The following DCAF6 variants were observed in gnomAD, a reference collection of about 807,000 sequenced individuals.
DCAF6 encodes DDB1- and CUL4-associated factor 6.
Under a neutral mutation model 125.1 loss-of-function variants are expected in DCAF6, and 54 were observed. The observed-to-expected ratio is 0.43, with a 90% CI of 0.35 to 0.54. The LOEUF (loss-of-function observed/expected upper bound fraction) is 0.54. Ranked by LOEUF, DCAF6 falls within the 20% of genes least tolerant of loss-of-function variation. The pLI, the probability that DCAF6 is intolerant of heterozygous loss-of-function variation, is 0.01. For synonymous variants in DCAF6, 371 were observed against 390.4 expected (o/e 0.95, Z 0.58); for missense variants, 934 against 1,161.7 (o/e 0.80, Z 2.85).
the DCAF6 span, among the ~76,000 whole-genome samples, chr1:167,912,839 A>G: frequency 6.6e-6 from 1 of 152,212 alleles, no homozygotes; most frequent in South Asian, 2.1e-4. Flanking sequence ...TCATCCAAAC[A>G]GCGCTATGAA....
intron 17 of DCAF6, among the ~76,000 whole-genome samples, chr1:168,062,840 A>G (rs1184137443): frequency 2.0e-5 from 3 of 151,882 alleles, no homozygotes; most frequent in Non-Finnish European, 4.4e-5. Flanking sequence ...CATTAGTTCT[A>G]AATTCGTAAT....
At chr1:167,940,388 G>A (rs115025363) in intron 1 of DCAF6, among the ~76,000 whole-genome samples, 2,832 of 152,166 alleles carry the variant, frequency 0.019, 77 homozygotes, top group African/African-American at 0.065. Context: ...GAGGCGGGGG[G>A]CAGGGTGAGG....
chr1:167,915,983 C>A, the DCAF6 span, among the ~76,000 whole-genome samples: 1 of 152,122 alleles, frequency 6.6e-6, no homozygotes, highest in African/African-American at 2.4e-5. Context: ...AGAAAACTTA[C>A]ATAGTGAAGC....
intron 2 of DCAF6, among the ~76,000 whole-genome samples, chr1:167,965,746 G>T (rs1676307500): frequency 6.6e-6 from 1 of 151,986 alleles, no homozygotes; most frequent in Non-Finnish European, 1.5e-5. Flanking sequence ...CCTGTCGGGA[G>T]GCTGAGGCCT....
intron 12 of DCAF6, among the ~76,000 whole-genome samples, chr1:168,037,300 T>A (rs74122606): frequency 0.059 from 8,951 of 152,136 alleles, 840 homozygotes; most frequent in African/African-American, 0.2. Context: ...ATCCTAAGTA[T>A]ATTTGCTTTT....
upstream of DCAF6, among the ~76,000 whole-genome samples, chr1:167,931,948 A>G (rs961600748): frequency 3.9e-5 from 6 of 152,218 alleles, no homozygotes; most frequent in African/African-American, 1.4e-4. Context: ...TAGACTTTAA[A>G]GTAACTTTTC....
upstream of DCAF6, among the ~76,000 whole-genome samples, chr1:167,932,878 A>G (rs1670950566): frequency 1.3e-5 from 2 of 151,942 alleles, no homozygotes; most frequent in Admixed American, 6.6e-5. Context: ...CTTCAAGATT[A>G]TTTCTTTGAC....
the DCAF6 span, among the ~76,000 whole-genome samples, chr1:167,909,707 T>C: frequency 6.6e-6 from 1 of 152,202 alleles, no homozygotes; most frequent in East Asian, 1.9e-4. Context: ...CTTTCCAAAG[T>C]GATGGTACCA....
chr1:168,048,873 G>A (rs540232962), intron 16 of DCAF6, among the ~76,000 whole-genome samples: 12 of 152,272 alleles, frequency 7.9e-5, no homozygotes, highest in East Asian at 7.7e-4. Flanking sequence ...GGCATTTGGC[G>A]GAGATCTAGC....
At chr1:167,877,980 G>A in the DCAF6 span, among the ~76,000 whole-genome samples, 1 of 152,164 alleles carries the variant, frequency 6.6e-6, no homozygotes, top group Non-Finnish European at 1.5e-5. Context: ...GCCATTGAAG[G>A]ATTTTAAGCT....
intron 21 of DCAF6, among the ~76,000 whole-genome samples, chr1:168,069,678 T>C (rs1401914143): frequency 1.3e-5 from 2 of 152,046 alleles, no homozygotes; most frequent in Non-Finnish European, 2.9e-5. Context: ...AATTAGAAAA[T>C]AATCCTCAAA....
chr1:167,918,939 A>G, the DCAF6 span, among the ~76,000 whole-genome samples: 12 of 152,242 alleles, frequency 7.9e-5, no homozygotes, highest in East Asian at 2.3e-3. Context: ...TTCCTGTGCA[A>G]AAGTATTATT....
At chr1:168,013,685 T>C (rs1181475115) in intron 10 of DCAF6, among the ~76,000 whole-genome samples, 1 of 152,048 alleles carries the variant, frequency 6.6e-6, no homozygotes, top group African/African-American at 2.4e-5. Context: ...AGTTAAACAT[T>C]CTCCATCAGA....
intron 1 of DCAF6, among the ~76,000 whole-genome samples, chr1:167,941,996 G>A (rs1009305156): frequency 1.3e-5 from 2 of 152,236 alleles, no homozygotes; most frequent in Admixed American, 6.5e-5. Flanking sequence ...AGCATTTGGT[G>A]TAGTGAGTCT....
chr1:167,901,755 T>A, the DCAF6 span: 2 of 1,614,218 alleles, frequency 1.2e-6, no homozygotes, highest in East Asian at 2.2e-5. Context: ...ACTGTGATAA[T>A]GTTTTTCAGC....
chr1:168,015,748 G>T, intron 10 of DCAF6, 33 bp from the exon 11 acceptor site: 2 of 1,397,508 alleles, frequency 1.4e-6, no homozygotes, highest in South Asian at 1.7e-5. Context: ...TTTTATTACT[G>T]TCTTTTCACC....
intron 4 of DCAF6, among the ~76,000 whole-genome samples, chr1:167,986,831 G>T (rs567496009): frequency 1.6e-4 from 24 of 152,222 alleles, no homozygotes; most frequent in Non-Finnish European, 2.9e-5. Context: ...TTGAGGCAGG[G>T]TTTATAGAGA....
At chr1:168,016,150 G>A (rs934653279) in intron 11 of DCAF6, among the ~76,000 whole-genome samples, 199 bp downstream of exon 11, 2 of 152,140 alleles carry the variant, frequency 1.3e-5, no homozygotes, top group African/African-American at 4.8e-5. Context: ...CCAGAGAGGT[G>A]AATATAAAAT....
rs1558019770 is a variant in DCAF6 at position 168,043,159 on chromosome 1, TTTG to T, written c.1843+25_1843+27del. On this transcript the variant is annotated intron_variant, in intron 14 of 21. Coordinates refer to ENST00000367840, the MANE Select transcript of DCAF6 (RefSeq NM_001198956.2). Reference sequence around the variant, plus strand: ...GAAACAAGTAAGGTGTTATTTTGCTTTTGTTGTTATAAAATTGCAGCATTGGAT... The same window carrying T: ...GAAACAAGTAAGGTGTTATTTTGCTTTTGTTATAAAATTGCAGCATTGGAT... 3 of 1,574,280 alleles carry T rather than the reference TTTG, an allele frequency of 1.9e-6. No individual in the cohort carries two copies. The highest frequency in any genetic ancestry group is 1.3e-5 in the African/African-American group (1 of 74,314).
Sources: allele counts gnomAD v4.1 joint callset (sites outside exome capture counted in the v4.1 genomes callset), GRCh38; gene constraint gnomAD v4.1.1; transcripts MANE v1.5; gene names NCBI Gene and HGNC (gene_info 2026-07-23, HGNC 2026-07-21).